The following PBRM1 variants were observed in gnomAD, a reference collection of about 807,000 sequenced individuals.
The protein encoded by PBRM1 is polybromo 1, also known as protein polybromo-1.
PBRM1 carries 27 observed loss-of-function variants against 194.5 expected under a neutral mutation model. That is an observed-to-expected ratio of 0.14 (90% confidence interval 0.10 to 0.19). PBRM1 has a LOEUF of 0.19. Among genes scored for constraint, PBRM1 ranks in the 10% least tolerant of loss-of-function variants. The pLI, the probability that PBRM1 is intolerant of heterozygous loss-of-function variation, is 1.00. For synonymous variants in PBRM1, 655 were observed against 693.2 expected (o/e 0.94, Z 0.87); for missense variants, 1,466 against 2,077.2 (o/e 0.71, Z 5.72).
At chr3:52,548,489 C>T (rs1483073579) in intron 29 of PBRM1, among the ~76,000 whole-genome samples, 2 of 151,464 alleles carry the variant, frequency 1.3e-5, no homozygotes, top group Non-Finnish European at 2.9e-5. Context: ...TGCAGTGGCG[C>T]GATCTCAGCT....
intron 13 of PBRM1, among the ~76,000 whole-genome samples, chr3:52,619,532 C>A (rs968039003): frequency 6.6e-6 from 1 of 152,044 alleles, no homozygotes; most frequent in African/African-American, 2.4e-5. Context: ...TTGGTTGAAT[C>A]CCTGGATGTG....
At chr3:52,649,363 T>G (rs919484857) in intron 6 of PBRM1, among the ~76,000 whole-genome samples, 1 of 152,102 alleles carries the variant, frequency 6.6e-6, no homozygotes, top group Admixed American at 6.6e-5. Flanking sequence ...CATGCTTGGG[T>G]CTAAAGGGAT....
In PBRM1 at chr3:52,612,117, G is replaced by A. The variant is rs143705959; in HGVS notation, c.1925-2162C>T. 3.5e-3 allele frequency among the ~76,000 whole-genome samples: 530 copies of A among 151,628 alleles called. 4 individuals are homozygous for A. Among genetic ancestry groups the A allele is most frequent in the African/African-American group, 0.012 (494 of 41,346 alleles). On this transcript the variant is annotated intron_variant, in intron 15 of 29. Transcript: ENST00000296302. ...TACTAAAAATACACAAAAATCAGCC[G>A]GGCGTGGTGGTGCACACCTGTAGTC... is the stretch of plus-strand genomic sequence containing the variant.
intron 4 of PBRM1, among the ~76,000 whole-genome samples, chr3:52,660,452 A>G (rs574613068): frequency 2.7e-4 from 41 of 152,166 alleles, no homozygotes; most frequent in Middle Eastern, 3.4e-3. Flanking sequence ...TTTTATACAT[A>G]TAAAATATAT....
intron 22 of PBRM1, among the ~76,000 whole-genome samples, chr3:52,576,241 A>T (rs1392299179): frequency 6.6e-6 from 1 of 152,212 alleles, no homozygotes; most frequent in African/African-American, 2.4e-5. Context: ...GGAGAATTCT[A>T]TATCTAGGAA....
intron 16 of PBRM1, among the ~76,000 whole-genome samples, chr3:52,604,951 C>T (rs2094247925): frequency 1.1e-5 from 1 of 95,132 alleles, no homozygotes; most frequent in Admixed American, 1.4e-4. Context: ...GAGTGAGACT[C>T]TGTCCCAAAA....
At chr3:52,685,666 G>C (rs918918313) in intron 1 of PBRM1, 83 bp downstream of exon 1, 1 of 147,292 alleles carries the variant, frequency 6.8e-6, no homozygotes, top group Non-Finnish European at 1.5e-5. Flanking sequence ...CTTCCGCCGC[G>C]GCTCCCGCCC....
chr3:52,670,544 G>A (rs769722621), intron 2 of PBRM1, among the ~76,000 whole-genome samples: 2 of 152,198 alleles, frequency 1.3e-5, no homozygotes, highest in Non-Finnish European at 2.9e-5. Context: ...GATGAGGGCA[G>A]TCTGGCATAT....
chr3:52,634,635 T>A (rs1243048171), exon 11 of PBRM1: 2 of 1,612,648 alleles, frequency 1.2e-6, no homozygotes, highest in South Asian at 2.2e-5. Context: ...CATTTTAATT[T>A]GCTGGTAATA....
intron 14 of PBRM1, 49 bp downstream of exon 16, chr3:52,617,213 C>T (rs372154787): frequency 2.2e-5 from 34 of 1,517,048 alleles, no homozygotes; most frequent in African/African-American, 4.1e-5. Flanking sequence ...TCTATAAGTA[C>T]CCCTCTCCCG....
chr3:52,617,192 A>T (rs1413750285), intron 14 of PBRM1, 70 bp downstream of exon 16: 7 of 1,266,916 alleles, frequency 5.5e-6, no homozygotes, highest in Non-Finnish European at 7.6e-6. Context: ...TGGTCTCTCA[A>T]AATGCATTAT....
intron 22 of PBRM1, among the ~76,000 whole-genome samples, chr3:52,565,664 T>A (rs2084954451): frequency 6.6e-6 from 1 of 152,000 alleles, no homozygotes; most frequent in African/African-American, 2.4e-5. Context: ...CAACTCAACA[T>A]TAAGACAAAT....
chr3:52,618,350 G>GGTCTATCT (rs981716000), intron 13 of PBRM1, among the ~76,000 whole-genome samples: 2 of 152,106 alleles, frequency 1.3e-5, no homozygotes, highest in African/African-American at 4.8e-5. Context: ...GAGAGCAGAT[G>GGTCTATCT]GTCTATCTCT....
chr3:52,684,529 A>G (rs1299648423), upstream of PBRM1, among the ~76,000 whole-genome samples: 2 of 152,200 alleles, frequency 1.3e-5, no homozygotes, highest in African/African-American at 4.8e-5. Flanking sequence ...TACTTCCAAG[A>G]AAAAAACCAC....
At chr3:52,623,477 C>A (rs2095346012) in intron 13 of PBRM1, among the ~76,000 whole-genome samples, 1 of 152,230 alleles carries the variant, frequency 6.6e-6, no homozygotes, top group South Asian at 2.1e-4. Context: ...ATTTCACCTT[C>A]AAGTCTTCAA....
At chr3:52,584,448 T>C (rs2091999073) in intron 20 of PBRM1, among the ~76,000 whole-genome samples, 1 of 144,298 alleles carries the variant, frequency 6.9e-6, no homozygotes, top group Non-Finnish European at 1.5e-5. Context: ...AAAGTATTCT[T>C]GCTTTTTTTT....
chr3:52,648,932 C>A (rs796437391), intron 6 of PBRM1, among the ~76,000 whole-genome samples: 2 of 152,278 alleles, frequency 1.3e-5, no homozygotes, highest in African/African-American at 4.8e-5. Flanking sequence ...AAGGCTCACT[C>A]AATCCAAAAC....
At chr3:52,550,450 C>T (rs995580383) in exon 29 of PBRM1, 2 of 1,507,346 alleles carry the variant, frequency 1.3e-6, no homozygotes, top group Non-Finnish European at 1.8e-6. Flanking sequence ...CTTGCTAATG[C>T]TGTTGGACTC....
chr3:52,587,803 C>G (rs908723390), intron 18 of PBRM1, among the ~76,000 whole-genome samples: 1 of 10,882 alleles, frequency 9.2e-5, no homozygotes, highest in Non-Finnish European at 1.2e-4. Context: ...TTTACAGCTA[C>G]AGTTTAATAT....
Sources: allele counts gnomAD v4.1 joint callset (sites outside exome capture counted in the v4.1 genomes callset), GRCh38; gene constraint gnomAD v4.1.1; transcripts MANE v1.5; gene names NCBI Gene and HGNC (gene_info 2026-07-23, HGNC 2026-07-21).